The following COL4A3 variants were observed in gnomAD, a reference collection of about 807,000 sequenced individuals.
COL4A3 encodes the protein collagen type IV alpha 3 chain, also known as collagen alpha-3(IV) chain.
A neutral mutation model predicts 217.4 loss-of-function variants in COL4A3; 135 were observed. The ratio of observed to expected loss-of-function variants is 0.62; its 90% CI spans 0.54 to 0.72. COL4A3 has a LOEUF of 0.72. COL4A3 is among the 30% of genes least tolerant of loss of function. COL4A3 has a pLI of 0.00. For synonymous variants in COL4A3, 690 were observed against 736.3 expected, an observed-to-expected ratio of 0.94 and a Z score of 1.02; for missense variants, 1,868 against 2,119.9, an observed-to-expected ratio of 0.88 and a Z score of 2.33.
At chr2:227,294,890 G>T (rs2072953236) in intron 39 of COL4A3, 74 bp from the exon 40 acceptor site, 1 of 1,157,546 alleles carries the variant, frequency 8.6e-7, no homozygotes, top group South Asian at 1.2e-5. Flanking sequence ...TTCCCATTAG[G>T]CCACTGGCAA....
chr2:227,248,530 T>C lies in COL4A3; in HGVS notation c.546+10T>C. The C allele has an allele frequency of 6.2e-7, 1 of 1,601,464 alleles. No individual in the cohort carries two copies. Among genetic ancestry groups the C allele is most frequent in the Non-Finnish European group, 8.6e-7 (1 of 1,168,696 alleles). The stretch of plus-strand genomic sequence containing the variant: ...GGCTCCAGGACCCCAGGTACAGCAC[T>C]TCAGAGAAGGTCCCTATTATTCTCA... On this transcript the variant is annotated intron_variant, in intron 9 of 51. Coordinates refer to ENST00000396578, the MANE Select transcript of COL4A3 (RefSeq NM_000091.5).
intron 28 of COL4A3, among the ~76,000 whole-genome samples, chr2:227,278,482 A>G (rs935573301): frequency 6.6e-6 from 1 of 152,218 alleles, no homozygotes; most frequent in Admixed American, 6.5e-5. Flanking sequence ...GTATGTCATC[A>G]GTGTTTATTA....
chr2:227,312,504 T>A lies in COL4A3; in HGVS notation c.*634T>A, dbSNP rs971493748. 1.3e-5 allele frequency: 2 copies of A among 152,250 alleles called. No homozygotes were observed. The highest frequency in any genetic ancestry group is 2.9e-5 in the Non-Finnish European group (2 of 68,052). The allele number at this position is 152,250 out of a possible 1,614,324, so 9.4% of individuals were successfully genotyped here. On this transcript the variant is annotated 3_prime_UTR_variant, in exon 52 of 52. Transcript: ENST00000396578. ...GATGGAACCATAATACCCTTGGAAA[T>A]ACTGTATGGTTTTGTTTTGTTTTGT...
chr2:227,244,801 T>G, intron 4 of COL4A3, 150 bp from the exon 5 acceptor site: 1 of 831,896 alleles, frequency 1.2e-6, no homozygotes, highest in Non-Finnish European at 2.1e-6. Flanking sequence ...TGTTAAACCT[T>G]TAGTATTTGT....
Position 227,250,953 on chromosome 2 carries a change from G to A in COL4A3, c.547-187G>A, listed in dbSNP as rs2069705280. Among the ~76,000 whole-genome samples the A allele has an allele frequency of 6.6e-6, 1 of 152,326 alleles. No individual in the cohort carries two copies. The highest frequency in any genetic ancestry group is 2.4e-5 in the African/African-American group (1 of 41,570). On this transcript the variant is annotated intron_variant, in intron 9 of 51. Transcript: ENST00000396578. This position sits in a 1 kb window ranked among gnomAD's most constrained non-coding sequence, Gnocchi z 4.1. ...ATTTTAGAAATGTTATCGTCCAGTT[G>A]GTCCTGCCAGCCTGTTACACATGGC...
In COL4A3 at chr2:227,282,301, T is replaced by TATATATATATATATA. The variant is rs1193172222; in HGVS notation, c.2489-64_2489-63insATATATATATATATA. 1 of 869,530 alleles carries TATATATATATATATA rather than the reference T, an allele frequency of 1.2e-6. No homozygotes were observed. Among genetic ancestry groups the TATATATATATATATA allele is most frequent in the African/African-American group, 1.8e-5 (1 of 55,478 alleles). 53.9% of individuals were successfully genotyped at this position (869,530 alleles called of 1,614,324 possible). A position where few individuals can be genotyped will look rare whatever the true frequency, so the allele number is the denominator to read the frequency against. Reference sequence around the variant, plus strand: ...ATATATATATATATATATATATATATTTCTGAAGTTAGTAGGGGAAAGCAT... The same window carrying TATATATATATATATA: ...ATATATATATATATATATATATATATATATATATATATATATTCTGAAGTTAGTAGGGGAAAGCAT... On this transcript the variant is annotated intron_variant, in intron 31 of 51. Transcript: ENST00000396578. The surrounding 1 kb of genome is among the most constrained non-coding windows in gnomAD (Gnocchi z 4.4).
intron 34 of COL4A3, 76 bp downstream of exon 34, chr2:227,284,421 T>C: frequency 6.5e-7 from 1 of 1,530,496 alleles, no homozygotes; most frequent in Non-Finnish European, 8.9e-7. Context: ...CAAATCCGTT[T>C]GGTTGACAAA....
intron 34 of COL4A3, among the ~76,000 whole-genome samples, chr2:227,287,709 G>A (rs1233264461): frequency 6.6e-6 from 1 of 152,126 alleles, no homozygotes; most frequent in Non-Finnish European, 1.5e-5. Context: ...CACCCAATTA[G>A]TTTTCATTTG....
intron 1 of COL4A3, among the ~76,000 whole-genome samples, chr2:227,213,755 A>G (rs957159923): frequency 6.6e-6 from 1 of 152,054 alleles, no homozygotes; most frequent in African/African-American, 2.4e-5. Context: ...TACAAAAATT[A>G]GCCAGGTATG....
At chr2:227,212,852 G>A (rs2067379541) in intron 1 of COL4A3, among the ~76,000 whole-genome samples, 1 of 152,174 alleles carries the variant, frequency 6.6e-6, no homozygotes, top group Non-Finnish European at 1.5e-5. Context: ...AGTGTAGGGT[G>A]AACACCCATG....
In COL4A3 at chr2:227,290,817, T is replaced by C. The variant is rs573907529; in HGVS notation, c.3141T>C (p.His1047=). The change falls in exon 37 of 52, where the codon CAT becomes CAC. Residue 1047 remains histidine (H), a synonymous_variant. Coordinates refer to ENST00000396578, the MANE Select transcript of COL4A3 (RefSeq NM_000091.5). ...RAGRPGLPGI[H]GLQGDKGEPG... The stretch of plus-strand genomic sequence containing the variant: ...GAAGACCAGGCCTCCCAGGTATTCA[T>C]GGTCTCCAGGGAGATAAGGGAGAGC... 1 of 1,613,892 alleles carries C rather than the reference T, an allele frequency of 6.2e-7. No homozygotes were observed. The highest frequency in any genetic ancestry group is 1.1e-5 in the South Asian group (1 of 91,042).
At chr2:227,306,812 A>G (rs983481388) in intron 47 of COL4A3, among the ~76,000 whole-genome samples, 2 of 152,148 alleles carry the variant, frequency 1.3e-5, no homozygotes, top group African/African-American at 4.8e-5. Context: ...AAGTCTAACC[A>G]TCGCTGTTTT....
intron 1 of COL4A3, among the ~76,000 whole-genome samples, chr2:227,165,400 C>T (rs187119633): frequency 1.3e-5 from 2 of 152,168 alleles, no homozygotes; most frequent in South Asian, 4.1e-4. Context: ...AGAAATCGAA[C>T]TCAGGTTAGA....
intron 46 of COL4A3, 124 bp downstream of exon 46, chr2:227,304,268 A>T: frequency 7.8e-7 from 1 of 1,288,932 alleles, no homozygotes; most frequent in Non-Finnish European, 1.1e-6. Flanking sequence ...TGGTTTTCAC[A>T]ATCAGTCTTA....
chr2:227,209,660 T>C (rs1391321990), intron 1 of COL4A3, among the ~76,000 whole-genome samples: 1 of 152,062 alleles, frequency 6.6e-6, no homozygotes, highest in Non-Finnish European at 1.5e-5. Context: ...GCCAATATGG[T>C]GAAACCCCAT....
rs2125914004 is a variant in COL4A3, at chr2:227,247,539, T to C, written c.442-19T>C. On this transcript the variant is annotated intron_variant, in intron 7 of 51. Transcript: ENST00000396578. The stretch of plus-strand genomic sequence containing the variant: ...CGTTTGATATTCCTCTAGTTGTTCA[T>C]AGGTTGCTTTTTTCCTAGGGTGCTG... 3 of 1,613,690 alleles carry C rather than the reference T, an allele frequency of 1.9e-6. No homozygotes were observed. The highest frequency in any genetic ancestry group is 2.2e-5 in the South Asian group (2 of 91,066).
At position 227,240,145 on chromosome 2, in the gene COL4A3, G is replaced by T; in HGVS notation, c.147G>T (p.Gly49=). The part of the protein sequence containing the change: ...CFCDGAKGEK[G]EKGFPGPPGS... ...TCACCTCGTTTTGGTTTTAACAGGGGGAGAAGGGCTTTCCTGGACCCCCCG... is the reference window on the plus strand; with the variant it reads ...TCACCTCGTTTTGGTTTTAACAGGGTGAGAAGGGCTTTCCTGGACCCCCCG... The change falls in exon 3 of 52, where the codon GGG becomes GGT. Residue 49 remains glycine (G), a splice_region_variant and synonymous_variant. Coordinates refer to ENST00000396578, the MANE Select transcript of COL4A3 (RefSeq NM_000091.5). The T allele has an allele frequency of 6.2e-7, 1 of 1,606,736 alleles. No homozygotes were observed. The highest frequency in any genetic ancestry group is 2.2e-5 in the East Asian group (1 of 44,688).
chr2:227,166,185 C>T (rs572729206), intron 1 of COL4A3, among the ~76,000 whole-genome samples: 63 of 152,310 alleles, frequency 4.1e-4, no homozygotes, highest in African/African-American at 1.3e-3. Context: ...CACTGTTTCA[C>T]ATTCTAAAGG....
chr2:227,281,926 G>T (rs543425278), intron 31 of COL4A3: 233 of 152,704 alleles, frequency 1.5e-3, no homozygotes, highest in African/African-American at 5.4e-3. Context: ...GCACGCATGC[G>T]TAAGTGTGCA....
Sources: allele counts gnomAD v4.1 joint callset (sites outside exome capture counted in the v4.1 genomes callset), GRCh38; gene constraint gnomAD v4.1.1; non-coding constraint Gnocchi (gnomAD v3.1); transcripts MANE v1.5; gene names NCBI Gene and HGNC (gene_info 2026-07-23, HGNC 2026-07-21).